ATXN1: variants seen among roughly 807,000 people sequenced by gnomAD.
ATXN1 encodes ataxin 1, also known as ataxin-1.
A neutral mutation model predicts 56.4 loss-of-function variants in ATXN1; 8 were observed. That is an observed-to-expected ratio of 0.14 (90% CI 0.08 to 0.26). ATXN1 has a LOEUF of 0.26. ATXN1 is among the 10% of genes least tolerant of loss of function. The pLI, the probability that ATXN1 is intolerant of heterozygous loss-of-function variation, is 1.00. For missense variants in ATXN1, 987 were observed against 1,106.5 expected, an observed-to-expected ratio of 0.89 and a Z score of 1.53; for synonymous variants, 514 against 494.6, an observed-to-expected ratio of 1.04 and a Z score of -0.52.
intron 2 of ATXN1, among the ~76,000 whole-genome samples, chr6:16,728,157 C>T (rs964446394): frequency 6.6e-6 from 1 of 152,184 alleles, no homozygotes; most frequent in African/African-American, 2.4e-5. Context: ...GCCACACTAC[C>T]CTGGAGCTGA....
chr6:16,669,073 G>C (rs1306652116), intron 2 of ATXN1, among the ~76,000 whole-genome samples: 2 of 152,136 alleles, frequency 1.3e-5, no homozygotes, highest in Non-Finnish European at 2.9e-5. Context: ...CCCATAGTAT[G>C]TCAAACTCAC....
In ATXN1 at chr6:16,301,053, C is replaced by CA. The variant is rs1760078928; in HGVS notation, c.*5275dup. On this transcript the variant is annotated 3_prime_UTR_variant, in exon 8 of 8. Transcript: ENST00000436367. ...TTTAGACATGACAAATTTCTATATA[C>CA]AAAAAAACATGTAACTTTCAACCCT... The CA allele has an allele frequency of 6.8e-6, 1 of 146,770 alleles. No individual in the cohort carries two copies. The highest frequency in any genetic ancestry group is 2.5e-5 in the African/African-American group (1 of 39,854). The allele number at this position is 146,770 out of a possible 1,614,324, so 9.1% of individuals were successfully genotyped here. A position where few individuals can be genotyped will look rare whatever the true frequency, so the allele number is the denominator to read the frequency against.
chr6:16,566,270 T>C (rs372403701), intron 4 of ATXN1, among the ~76,000 whole-genome samples: 69 of 152,292 alleles, frequency 4.5e-4, no homozygotes, highest in African/African-American at 1.6e-3. Flanking sequence ...AGAAATACAA[T>C]GCCCTATTCT....
At chr6:16,525,385 C>T (rs923211188) in intron 4 of ATXN1, among the ~76,000 whole-genome samples, 2 of 152,076 alleles carry the variant, frequency 1.3e-5, no homozygotes, top group Non-Finnish European at 2.9e-5. Flanking sequence ...ATGGATGGAA[C>T]GAGAGATCAT....
At chr6:16,692,993 T>C (rs922255424) in intron 2 of ATXN1, among the ~76,000 whole-genome samples, 1 of 152,138 alleles carries the variant, frequency 6.6e-6, no homozygotes, top group Non-Finnish European at 1.5e-5. Flanking sequence ...GTGGAGTGCA[T>C]GGGCTCTGGA....
At chr6:16,632,469 T>C (rs1055356035) in intron 3 of ATXN1, among the ~76,000 whole-genome samples, 2 of 152,132 alleles carry the variant, frequency 1.3e-5, no homozygotes, top group African/African-American at 4.8e-5. Context: ...AAGTTTTGAT[T>C]TGAATTCACA....
chr6:16,675,282 G>A (rs780860595), intron 2 of ATXN1, among the ~76,000 whole-genome samples: 4 of 152,152 alleles, frequency 2.6e-5, no homozygotes, highest in East Asian at 1.9e-4. Flanking sequence ...GTATGAGTCC[G>A]TGCTAAGACT....
At chr6:16,705,703 C>T (rs1436352155) in intron 2 of ATXN1, among the ~76,000 whole-genome samples, 1 of 152,190 alleles carries the variant, frequency 6.6e-6, no homozygotes, top group Admixed American at 6.5e-5. Context: ...GCCTGTCTGT[C>T]CTGGTCCCTG....
At chr6:16,759,238 T>C (rs1234743013) in intron 1 of ATXN1, among the ~76,000 whole-genome samples, 4 of 152,280 alleles carry the variant, frequency 2.6e-5, no homozygotes, top group African/African-American at 9.6e-5. Context: ...GAGATGTGAC[T>C]ACTAGATTGC....
intron 6 of ATXN1, among the ~76,000 whole-genome samples, chr6:16,383,202 T>C (rs1758169725): frequency 6.6e-6 from 1 of 152,196 alleles, no homozygotes; most frequent in Non-Finnish European, 1.5e-5. Flanking sequence ...GAACTTGTCC[T>C]CCTTAGATGG....
intron 5 of ATXN1, among the ~76,000 whole-genome samples, chr6:16,498,182 A>T (rs1760814054): frequency 6.6e-6 from 1 of 152,058 alleles, no homozygotes; most frequent in African/African-American, 2.4e-5. Flanking sequence ...AGACTAATCT[A>T]CTTTCTGACT....
At chr6:16,709,368 G>A (rs1051120590) in intron 2 of ATXN1, among the ~76,000 whole-genome samples, 1 of 151,866 alleles carries the variant, frequency 6.6e-6, no homozygotes, top group Non-Finnish European at 1.5e-5. Context: ...CCAATAGCAA[G>A]AATAAACAGA....
At chr6:16,470,669 A>G (rs1036477756) in intron 6 of ATXN1, among the ~76,000 whole-genome samples, 3 of 152,122 alleles carry the variant, frequency 2.0e-5, no homozygotes, top group Non-Finnish European at 4.4e-5. Flanking sequence ...TGTTTGAAAA[A>G]TGACACCCAA....
rs186722124 is a variant in ATXN1, at chr6:16,678,834, G to A, written c.-614-20933C>T. On this transcript the variant is annotated intron_variant, in intron 2 of 7. Coordinates refer to ENST00000436367, the MANE Select transcript of ATXN1 (RefSeq NM_001128164.2). Reference sequence around the variant, plus strand: ...GTGGATCACCTGAGGTCAGGAGTTCGAGACCAGCCTGACCAACATGGTGAA... The same window carrying A: ...GTGGATCACCTGAGGTCAGGAGTTCAAGACCAGCCTGACCAACATGGTGAA... Among the ~76,000 whole-genome samples the A allele has an allele frequency of 2.4e-3, 371 of 152,294 alleles. 1 individual carries two copies. Among genetic ancestry groups the A allele is most frequent in the African/African-American group, 8.3e-3 (343 of 41,552 alleles).
intron 3 of ATXN1, among the ~76,000 whole-genome samples, chr6:16,607,160 C>T (rs1763025665): frequency 6.6e-6 from 1 of 152,190 alleles, no homozygotes; most frequent in South Asian, 2.1e-4. Context: ...AGGCATGAGC[C>T]ACCGCGTCCG....
intron 6 of ATXN1, among the ~76,000 whole-genome samples, chr6:16,334,027 G>A (rs183809272): frequency 3.5e-4 from 53 of 152,274 alleles, no homozygotes; most frequent in Non-Finnish European, 5.9e-4. Context: ...CACTCATTCC[G>A]TTTCTAGTAT....
intron 3 of ATXN1, among the ~76,000 whole-genome samples, chr6:16,624,222 G>T (rs1001834700): frequency 1.3e-5 from 2 of 152,120 alleles, no homozygotes; most frequent in Admixed American, 1.3e-4. Flanking sequence ...GTCGTGGCAG[G>T]TTCCTGTAAT....
At chr6:16,727,328 T>TA (rs1268024235) in intron 2 of ATXN1, among the ~76,000 whole-genome samples, 4 of 152,122 alleles carry the variant, frequency 2.6e-5, no homozygotes, top group Non-Finnish European at 5.9e-5. Flanking sequence ...AAAATGGAAA[T>TA]AAATAATTCC....
chr6:16,491,279 T>TATTATTA (rs58862118), intron 5 of ATXN1, among the ~76,000 whole-genome samples: 16 of 108,560 alleles, frequency 1.5e-4, no homozygotes, highest in African/African-American at 6.4e-4. Flanking sequence ...TTATTATTAT[T>TATTATTA]TTTTTTTTTT....
Sources: gnomAD v4.1 joint callset for allele counts (sites outside exome capture counted in the v4.1 genomes callset) on GRCh38, gnomAD v4.1.1 for gene constraint, MANE v1.5 for transcripts, NCBI Gene and HGNC (gene_info 2026-07-23, HGNC 2026-07-21) for gene names.